The following PARD3B variants were observed in gnomAD, a reference collection of about 807,000 sequenced individuals.
PARD3B encodes par-3 family cell polarity regulator beta, also known as partitioning defective 3 homolog B.
PARD3B carries 103 observed loss-of-function variants against 130.2 expected under a neutral mutation model. That is an observed-to-expected ratio of 0.79 (90% CI 0.67 to 0.93). The LOEUF (loss-of-function observed/expected upper bound fraction) is 0.93, where lower values mean the gene tolerates loss of function less well. Ranked by LOEUF, PARD3B falls within the 40% of genes least tolerant of loss-of-function variation. The pLI is 0.00. For synonymous variants in PARD3B, 583 were observed against 553.2 expected (o/e 1.05, Z -0.76); for missense variants, 1,609 against 1,499.2 (o/e 1.07, Z -1.21).
chr2:204,943,274 C>T lies in PARD3B; in HGVS notation c.223-21878C>T, dbSNP rs570904342. ...TTTCTCAAACCTAATTATTTTCTCT[C>T]CTAAAAGGACGGTGACTGGAAAGAT... On this transcript the variant is annotated intron_variant, in intron 2 of 22. Transcript: ENST00000406610. The surrounding 1 kb of genome is among the most constrained non-coding windows in gnomAD (Gnocchi z 4.2). Among the ~76,000 whole-genome samples the T allele has an allele frequency of 6.6e-6, 1 of 152,030 alleles. No homozygotes were observed. Among genetic ancestry groups the T allele is most frequent in the South Asian group, 2.1e-4 (1 of 4,806 alleles).
chr2:205,210,634 A>C (rs779237903), intron 15 of PARD3B, among the ~76,000 whole-genome samples: 119 of 152,248 alleles, frequency 7.8e-4, no homozygotes, highest in Non-Finnish European at 1.5e-3. Flanking sequence ...TAAAGATATG[A>C]GGCTTTTGAT....
At chr2:204,756,148 A>G (rs547945972) in intron 2 of PARD3B, among the ~76,000 whole-genome samples, 6 of 152,210 alleles carry the variant, frequency 3.9e-5, no homozygotes, top group African/African-American at 1.2e-4. Context: ...AAAGAAATAC[A>G]ATACAGCTTT....
At chr2:205,399,927 G>A (rs1270453465) in intron 18 of PARD3B, among the ~76,000 whole-genome samples, 2 of 152,114 alleles carry the variant, frequency 1.3e-5, no homozygotes, top group South Asian at 2.1e-4. Flanking sequence ...GGCAGAGATC[G>A]GGTTCTAATC....
In PARD3B at chr2:205,064,123, A is replaced by G. The variant is rs543966647; in HGVS notation, c.504+16433A>G. 3.9e-5 allele frequency among the ~76,000 whole-genome samples: 6 copies of G among 152,358 alleles called. No individual in the cohort carries two copies. In the South Asian group the frequency reaches 6.2e-4, roughly 16 times the overall value. ...TGCACAGGTTAAATTTTATAAGCTA[A>G]TAACAATTTAAGAACTAATTCCAAG... On this transcript the variant is annotated intron_variant, in intron 4 of 22. Coordinates refer to ENST00000406610, the MANE Select transcript of PARD3B (RefSeq NM_001302769.2).
intron 2 of PARD3B, among the ~76,000 whole-genome samples, chr2:204,829,054 T>C (rs2043701975): frequency 1.3e-5 from 2 of 152,240 alleles, no homozygotes; most frequent in African/African-American, 4.8e-5. Flanking sequence ...TTATATCATG[T>C]AACTGTTTCA....
chr2:204,847,076 G>T lies in PARD3B; in HGVS notation c.223-118076G>T, dbSNP rs1238561094. Among the ~76,000 whole-genome samples, 8 of 151,910 alleles carry T rather than the reference G, an allele frequency of 5.3e-5. No homozygotes were observed. The South Asian group carries it at 1.7e-3, about 32-fold the overall frequency. ...CACACAGATTAAGGAATAGACTATC[G>T]CCACGTATTTCTATATCCTGAAACT... On this transcript the variant is annotated intron_variant, in intron 2 of 22. Transcript: ENST00000406610.
At chr2:204,662,510 G>A (rs1395021176) in intron 1 of PARD3B, among the ~76,000 whole-genome samples, 1 of 152,150 alleles carries the variant, frequency 6.6e-6, no homozygotes, top group Non-Finnish European at 1.5e-5. Flanking sequence ...ACAGCAGGTG[G>A]TTCAGCTTGC....
At chr2:204,900,112 G>A (rs972117911) in intron 2 of PARD3B, among the ~76,000 whole-genome samples, 1 of 151,930 alleles carries the variant, frequency 6.6e-6, no homozygotes, top group Non-Finnish European at 1.5e-5. Flanking sequence ...AATCCGCCTG[G>A]TGTTTCATAA....
At chr2:204,612,679 C>T (rs73984252) in intron 1 of PARD3B, among the ~76,000 whole-genome samples, 5,344 of 152,068 alleles carry the variant, frequency 0.035, 280 homozygotes, top group East Asian at 0.13. Context: ...TTTAAACTCA[C>T]TGAAGTAAGA....
chr2:205,376,749 T>C (rs1332209821), intron 18 of PARD3B, among the ~76,000 whole-genome samples: 1 of 152,110 alleles, frequency 6.6e-6, no homozygotes. Flanking sequence ...TGAGCAGTCC[T>C]GAGGCAAGAG....
intron 2 of PARD3B, among the ~76,000 whole-genome samples, chr2:204,803,960 C>A (rs1437758863): frequency 1.3e-5 from 2 of 152,130 alleles, no homozygotes; most frequent in African/African-American, 2.4e-5. Flanking sequence ...ATAGCTAATG[C>A]CTGTAATCCC....
At chr2:205,053,594 C>T (rs556217994) in intron 4 of PARD3B, among the ~76,000 whole-genome samples, 2 of 151,226 alleles carry the variant, frequency 1.3e-5, no homozygotes, top group East Asian at 1.9e-4. Context: ...GAGCCAAGAT[C>T]GTGTCACTGC....
intron 2 of PARD3B, among the ~76,000 whole-genome samples, chr2:204,910,970 G>A (rs1575281786): frequency 6.6e-6 from 1 of 152,076 alleles, no homozygotes; most frequent in African/African-American, 2.4e-5. Flanking sequence ...TTCCCCTTAC[G>A]CTGAGTATGC....
intron 2 of PARD3B, among the ~76,000 whole-genome samples, chr2:204,915,891 T>A (rs907373466): frequency 1.3e-5 from 2 of 152,202 alleles, no homozygotes; most frequent in Non-Finnish European, 2.9e-5. Flanking sequence ...AAATATGGAA[T>A]AATTAAAAAT....
At chr2:205,010,385 A>G (rs1259102231) in intron 3 of PARD3B, among the ~76,000 whole-genome samples, 1 of 152,134 alleles carries the variant, frequency 6.6e-6, no homozygotes, top group Non-Finnish European at 1.5e-5. Context: ...AGATCTATGC[A>G]CAGCTGCAAT....
chr2:204,954,354 G>A (rs149803667), intron 2 of PARD3B, among the ~76,000 whole-genome samples: 1 of 152,058 alleles, frequency 6.6e-6, no homozygotes, highest in Non-Finnish European at 1.5e-5. Context: ...CTCCAATCAG[G>A]CTATATGCTG....
chr2:205,119,297 G>T (rs1202074290), intron 7 of PARD3B, among the ~76,000 whole-genome samples: 1 of 152,028 alleles, frequency 6.6e-6, no homozygotes. Context: ...TCTTTACTGG[G>T]GCGTCGTTGA....
intron 2 of PARD3B, among the ~76,000 whole-genome samples, chr2:204,938,218 C>T (rs369436884): frequency 1.9e-4 from 29 of 152,316 alleles, no homozygotes; most frequent in African/African-American, 6.7e-4. Context: ...AAGTGGCTTT[C>T]CACTTCAACT....
At chr2:205,134,015 A>G (rs1200515782) in intron 10 of PARD3B, among the ~76,000 whole-genome samples, 1 of 152,122 alleles carries the variant, frequency 6.6e-6, no homozygotes, top group East Asian at 1.9e-4. Flanking sequence ...TGGAGGCTTT[A>G]GGGTAAGATA....
Sources: allele counts gnomAD v4.1 joint callset (sites outside exome capture counted in the v4.1 genomes callset), GRCh38; gene constraint gnomAD v4.1.1; non-coding constraint Gnocchi (gnomAD v3.1); transcripts MANE v1.5; gene names NCBI Gene and HGNC (gene_info 2026-07-23, HGNC 2026-07-21).